FAM241A: variants seen among roughly 807,000 people sequenced by gnomAD.
FAM241A encodes the protein uncharacterized protein FAM241A.
Under a neutral mutation model 12.2 loss-of-function variants are expected in FAM241A, and 7 were observed. The ratio of observed to expected loss-of-function variants is 0.58; its 90% CI spans 0.33 to 1.08. The LOEUF (loss-of-function observed/expected upper bound fraction) is 1.08. Ranked by LOEUF, FAM241A falls within the 50% of genes least tolerant of loss-of-function variation. FAM241A has a pLI of 0.04. For synonymous variants in FAM241A, 74 were observed against 68.2 expected (o/e 1.08, Z -0.42); for missense variants, 161 against 169.7 (o/e 0.95, Z 0.29).
intron 1 of FAM241A, among the ~76,000 whole-genome samples, chr4:112,172,537 T>G (rs1423870463): frequency 2.6e-5 from 4 of 152,240 alleles, no homozygotes; most frequent in Non-Finnish European, 5.9e-5. Flanking sequence ...GTGGGTTTTT[T>G]GCCAATTCTT....
intron 1 of FAM241A, among the ~76,000 whole-genome samples, chr4:112,164,741 CA>C (rs1197064896): frequency 2.6e-5 from 4 of 152,156 alleles, no homozygotes; most frequent in African/African-American, 9.7e-5. Flanking sequence ...ATAAGGAGCT[CA>C]AACAACTCTA....
At chr4:112,156,842 C>T (rs1723362998) in intron 1 of FAM241A, among the ~76,000 whole-genome samples, 1 of 152,132 alleles carries the variant, frequency 6.6e-6, no homozygotes, top group Non-Finnish European at 1.5e-5. Context: ...CCTTGAAATG[C>T]TGTATTTAAA....
In FAM241A at chr4:112,145,841, C is replaced by T. The variant is rs1723125353; in HGVS notation, c.153+108C>T. ...CCGCGGGCCGCGCCGCAGCTCTGCC[C>T]CGCGTGGGCACTGGCTCCCCGGCGC... On this transcript the variant is annotated intron_variant, in intron 1 of 1. Transcript: ENST00000309733. The T allele has an allele frequency of 6.1e-6, 4 of 658,738 alleles. No homozygotes were observed. In the East Asian group the frequency reaches 3.7e-4, roughly 60 times the overall value. The allele number at this position is 658,738 out of a possible 1,614,324, so 40.8% of individuals were successfully genotyped here. A position where few individuals can be genotyped will look rare whatever the true frequency, so the allele number is the denominator to read the frequency against.
rs1293796979 is a variant in FAM241A, at chr4:112,191,900, T to C, written c.*4962T>C. ...AGAGAACATGTCTGTCATTCTATAA[T>C]TGCATTGCTAGTGCCTAACACAATG... On this transcript the variant is annotated 3_prime_UTR_variant, in exon 2 of 2. Coordinates refer to ENST00000309733, the MANE Select transcript of FAM241A (RefSeq NM_152400.3). 6.6e-6 allele frequency: 1 copy of C among 152,204 alleles called. No homozygotes were observed. Among genetic ancestry groups the C allele is most frequent in the Non-Finnish European group, 1.5e-5 (1 of 68,032 alleles). The allele number at this position is 152,204 out of a possible 1,614,324, so 9.4% of individuals were successfully genotyped here.
rs781510068 is a variant in FAM241A at position 112,170,779 on chromosome 4, G to A, written c.154-15914G>A. 5.1e-4 allele frequency among the ~76,000 whole-genome samples: 77 copies of A among 152,046 alleles called. 1 individual carries two copies. Among genetic ancestry groups the A allele is most frequent in the Non-Finnish European group, 9.6e-4 (65 of 68,020 alleles). On this transcript the variant is annotated intron_variant, in intron 1 of 1. Coordinates refer to ENST00000309733, the MANE Select transcript of FAM241A (RefSeq NM_152400.3). ...CTGGGAAAAGAGAAACTGGATAAGG[G>A]GGACTACTGTAGTATGAAGGCAAGA...
chr4:112,179,672 C>T (rs1158587864), intron 1 of FAM241A, among the ~76,000 whole-genome samples: 6 of 151,046 alleles, frequency 4.0e-5, no homozygotes, highest in South Asian at 2.1e-4. Flanking sequence ...CAAACCTGCA[C>T]GTTGTGCACA....
At position 112,189,781 on chromosome 4, in the gene FAM241A, TA is replaced by T. The variant is rs1433649461; in HGVS notation, c.*2844del. The T allele has an allele frequency of 6.6e-6, 1 of 151,942 alleles. No homozygotes were observed. The allele number at this position is 151,942 out of a possible 1,614,324, so 9.4% of individuals were successfully genotyped here. On this transcript the variant is annotated 3_prime_UTR_variant, in exon 2 of 2. Transcript: ENST00000309733. Reference sequence around the variant, plus strand: ...TCTGCCTTCAGTGCTGTCAAGTTGGTAGTTTGAAATTGGCCATGGTGAGAGT... The same window carrying T: ...TCTGCCTTCAGTGCTGTCAAGTTGGTGTTTGAAATTGGCCATGGTGAGAGT...
At position 112,190,072 on chromosome 4, in the gene FAM241A, A is replaced by G. The variant is rs1358713928; in HGVS notation, c.*3134A>G. The G allele has an allele frequency of 7.9e-6, 1 of 126,664 alleles. No individual in the cohort carries two copies. Among genetic ancestry groups the G allele is most frequent in the Non-Finnish European group, 1.7e-5 (1 of 58,230 alleles). 7.8% of individuals were successfully genotyped at this position (126,664 alleles called of 1,614,324 possible). A position where few individuals can be genotyped will look rare whatever the true frequency, so the allele number is the denominator to read the frequency against. ...TTCATGGTTATCTTCTGACCAACAA[A>G]TCTCTATTTAATCATGTTTTGACCA... On this transcript the variant is annotated 3_prime_UTR_variant, in exon 2 of 2. Coordinates refer to ENST00000309733, the MANE Select transcript of FAM241A (RefSeq NM_152400.3).
chr4:112,146,826 C>A (rs1036267884), intron 1 of FAM241A, among the ~76,000 whole-genome samples: 1 of 152,218 alleles, frequency 6.6e-6, no homozygotes, highest in Non-Finnish European at 1.5e-5. Context: ...TAGGTTTGAT[C>A]ACCACGTGGA....
intron 1 of FAM241A, among the ~76,000 whole-genome samples, chr4:112,169,843 CTT>C (rs1218222537): frequency 6.6e-6 from 1 of 152,180 alleles, no homozygotes; most frequent in East Asian, 1.9e-4. Context: ...AATTCTGCTT[CTT>C]TCTTAGTATG....
chr4:112,177,629 AGGAG>A (rs769467242), intron 1 of FAM241A, among the ~76,000 whole-genome samples: 7 of 152,200 alleles, frequency 4.6e-5, no homozygotes, highest in Non-Finnish European at 1.0e-4. Context: ...CATGTTACAT[AGGAG>A]GCACTTGGGT....
intron 1 of FAM241A, among the ~76,000 whole-genome samples, chr4:112,164,688 A>G (rs1159465851): frequency 6.6e-6 from 1 of 152,238 alleles, no homozygotes; most frequent in Non-Finnish European, 1.5e-5. Context: ...ATGGGAGAAA[A>G]TATTTGTAAA....
chr4:112,181,617 T>C (rs1341004477), intron 1 of FAM241A, among the ~76,000 whole-genome samples: 3 of 152,200 alleles, frequency 2.0e-5, no homozygotes, highest in Non-Finnish European at 4.4e-5. Context: ...CATTACCTGA[T>C]GCTGTGAGAC....
intron 1 of FAM241A, among the ~76,000 whole-genome samples, chr4:112,178,447 C>A (rs755089258): frequency 7.2e-5 from 11 of 152,132 alleles, no homozygotes; most frequent in Non-Finnish European, 1.6e-4. Flanking sequence ...GAGTCCTCAA[C>A]ACCATTAAAT....
rs1389220424 is a variant in FAM241A at position 112,193,515 on chromosome 4, A to G, written c.*6577A>G. 1.3e-5 allele frequency: 2 copies of G among 152,176 alleles called. No homozygotes were observed. 9.4% of individuals were successfully genotyped at this position (152,176 alleles called of 1,614,324 possible). ...GTAAGTCTTTAATCCATCTTGAAAT[A>G]ATTTTTGTATAAGGTGTAAGGAAGG... On this transcript the variant is annotated 3_prime_UTR_variant, in exon 2 of 2. Transcript: ENST00000309733.
intron 1 of FAM241A, among the ~76,000 whole-genome samples, chr4:112,158,635 A>C (rs948639001): frequency 6.6e-6 from 1 of 152,138 alleles, no homozygotes; most frequent in Non-Finnish European, 1.5e-5. Flanking sequence ...TATGAAAAAA[A>C]GCAGAAAGGT....
At chr4:112,149,450 C>T (rs138174733) in intron 1 of FAM241A, among the ~76,000 whole-genome samples, 2 of 152,344 alleles carry the variant, frequency 1.3e-5, no homozygotes, top group African/African-American at 4.8e-5. Context: ...TAACACCGCA[C>T]ATTGAAGTTG....
intron 1 of FAM241A, among the ~76,000 whole-genome samples, chr4:112,160,511 T>C (rs1028914803): frequency 3.9e-5 from 6 of 152,080 alleles, no homozygotes; most frequent in African/African-American, 1.4e-4. Flanking sequence ...ACGCAATTTC[T>C]ATCAAAATAC....
chr4:112,152,549 A>G (rs1723264657), intron 1 of FAM241A, among the ~76,000 whole-genome samples: 1 of 152,130 alleles, frequency 6.6e-6, no homozygotes. Flanking sequence ...CCTCGTATGC[A>G]ACTTGCTGTA....
Sources: allele counts gnomAD v4.1 joint callset (sites outside exome capture counted in the v4.1 genomes callset), GRCh38; gene constraint gnomAD v4.1.1; transcripts MANE v1.5; gene names NCBI Gene and HGNC (gene_info 2026-07-23, HGNC 2026-07-21).